Variants in SLC5A4 observed in about 807,000 individuals in gnomAD.
SLC5A4 encodes the protein probable glucose sensor protein SLC5A4.
Under a neutral mutation model 70.3 loss-of-function variants are expected in SLC5A4, and 55 were observed. The ratio of observed to expected loss-of-function variants is 0.78; its 90% CI spans 0.63 to 0.98. The LOEUF (loss-of-function observed/expected upper bound fraction) is 0.98, where lower values mean the gene tolerates loss of function less well. SLC5A4 is among the 50% of genes least tolerant of loss of function. The pLI is 0.00. For synonymous variants in SLC5A4, 268 were observed against 305.7 expected, an observed-to-expected ratio of 0.88 and a Z score of 1.29; for missense variants, 735 against 839.2, an observed-to-expected ratio of 0.88 and a Z score of 1.53.
chr22:32,285,795 G>A, the SLC5A4 span, among the ~76,000 whole-genome samples: 4 of 150,494 alleles, frequency 2.7e-5, no homozygotes, highest in Admixed American at 6.6e-5. Context: ...GGAGTGCAGC[G>A]GCGCGATCTC....
chr22:32,247,287 A>T (rs946055391), intron 5 of SLC5A4, 124 bp downstream of exon 5: 9 of 647,454 alleles, frequency 1.4e-5, no homozygotes, highest in Non-Finnish European at 2.5e-5. Flanking sequence ...AGAATTTAAG[A>T]CATCCATATC....
chr22:32,251,955 C>A (rs529259789), intron 2 of SLC5A4, 81 bp from the exon 3 acceptor site: 2 of 1,047,696 alleles, frequency 1.9e-6, no homozygotes, highest in East Asian at 2.4e-5. Flanking sequence ...TGTAGCTGGG[C>A]GTGGTGGCTC....
At chr22:32,266,811 T>C in the SLC5A4 span, among the ~76,000 whole-genome samples, 1 of 152,242 alleles carries the variant, frequency 6.6e-6, no homozygotes, top group Non-Finnish European at 1.5e-5. Flanking sequence ...TAAAGTAAGC[T>C]AGACCAAAGA....
At chr22:32,239,563 TA>T (rs1926345192) in intron 5 of SLC5A4, among the ~76,000 whole-genome samples, 6 of 21,436 alleles carry the variant, frequency 2.8e-4, no homozygotes, top group Non-Finnish European at 4.4e-4. Flanking sequence ...TATATATATA[TA>T]TATATTTATA....
rs1355630954 is a variant in SLC5A4, at chr22:32,247,998, C to T, written c.373-483G>A. 4.6e-5 allele frequency among the ~76,000 whole-genome samples: 7 copies of T among 152,292 alleles called. No individual in the cohort carries two copies. The East Asian group carries it at 1.2e-3, about 25-fold the overall frequency. ...TCCATTGCCTTCACTTTTACTCTGC[C>T]ATCAAACCTGTCATCTCTGCTCCAG... On this transcript the variant is annotated intron_variant, in intron 4 of 14. Transcript: ENST00000266086.
chr22:32,247,955 G>A (rs1372778434), intron 4 of SLC5A4, among the ~76,000 whole-genome samples: 1 of 152,142 alleles, frequency 6.6e-6, no homozygotes, highest in Non-Finnish European at 1.5e-5. Context: ...TCTTAGAGCT[G>A]ATCATAATGC....
At chr22:32,281,356 G>A in the SLC5A4 span, among the ~76,000 whole-genome samples, 1 of 152,264 alleles carries the variant, frequency 6.6e-6, no homozygotes, top group African/African-American at 2.4e-5. Context: ...TCTCCTCTGG[G>A]GTTGGGCGTG....
rs990909341 is a variant in SLC5A4 at position 32,232,928 on chromosome 22, G to A, written c.992C>T (p.Pro331Leu). 19 of 1,613,910 alleles carry A rather than the reference G, an allele frequency of 1.2e-5. No individual in the cohort carries two copies. The highest frequency in any genetic ancestry group is 4.5e-5 in the East Asian group (2 of 44,898). ...KLLPMFLMVM[P>L]GMISRILYTD... Reference sequence around the variant, plus strand: ...GTACAGGATGCGGCTGATCATCCCCGGCATCACCATGAGGAACATGGGCAG... The same window carrying A: ...GTACAGGATGCGGCTGATCATCCCCAGCATCACCATGAGGAACATGGGCAG... The change falls in exon 9 of 15, where the codon CCG (proline) becomes CTG (leucine). Residue 331 changes from proline to leucine, a missense_variant. By Grantham distance (98) the Pro-to-Leu change is moderately conservative. Coordinates refer to ENST00000266086, the MANE Select transcript of SLC5A4 (RefSeq NM_014227.3).
chr22:32,246,647 C>G (rs1364369026), intron 5 of SLC5A4, among the ~76,000 whole-genome samples: 1 of 152,134 alleles, frequency 6.6e-6, no homozygotes, highest in Non-Finnish European at 1.5e-5. Context: ...CCTGCCTCAG[C>G]CTCCTGAGTA....
the SLC5A4 span, among the ~76,000 whole-genome samples, chr22:32,274,287 G>A: frequency 0.061 from 9,281 of 152,032 alleles, 448 homozygotes; most frequent in Admixed American, 0.16. Context: ...TGCTCCTCCC[G>A]CCTCAGCCTC....
chr22:32,298,076 A>G, the SLC5A4 span, among the ~76,000 whole-genome samples: 1 of 99,294 alleles, frequency 1.0e-5, no homozygotes, highest in Non-Finnish European at 2.1e-5. Flanking sequence ...ACTTCCCAGT[A>G]TGTGGTCAGT....
chr22:32,286,711 C>G, the SLC5A4 span, among the ~76,000 whole-genome samples: 1 of 152,170 alleles, frequency 6.6e-6, no homozygotes, highest in African/African-American at 2.4e-5. Context: ...AAATGGCATA[C>G]TTGCATTAAG....
At chr22:32,300,097 G>A in the SLC5A4 span, among the ~76,000 whole-genome samples, 1 of 151,362 alleles carries the variant, frequency 6.6e-6, no homozygotes, top group South Asian at 2.1e-4. Flanking sequence ...AGAGGTTACT[G>A]CTGTCTTTTT....
chr22:32,324,715 CA>C, the SLC5A4 span, among the ~76,000 whole-genome samples: 1 of 152,204 alleles, frequency 6.6e-6, no homozygotes, highest in African/African-American at 2.4e-5. Flanking sequence ...CTCTGCCCCT[CA>C]CAAGCTGTGT....
chr22:32,336,322 CA>C, the SLC5A4 span, among the ~76,000 whole-genome samples: 42 of 152,234 alleles, frequency 2.8e-4, no homozygotes, highest in Admixed American at 2.6e-3. Flanking sequence ...CACGAGCCCC[CA>C]GATTCACCTG....
At chr22:32,275,095 TA>T in the SLC5A4 span, among the ~76,000 whole-genome samples, 1 of 152,232 alleles carries the variant, frequency 6.6e-6, no homozygotes, top group Non-Finnish European at 1.5e-5. Flanking sequence ...TGTACACCAG[TA>T]GTACACTAAT....
At chr22:32,236,649 G>T (rs903089125) in intron 7 of SLC5A4, among the ~76,000 whole-genome samples, 1 of 151,668 alleles carries the variant, frequency 6.6e-6, no homozygotes, top group Non-Finnish European at 1.5e-5. Context: ...TACTGATTTT[G>T]TCTGTCCTTA....
At chr22:32,311,437 C>T in the SLC5A4 span, among the ~76,000 whole-genome samples, 3 of 152,198 alleles carry the variant, frequency 2.0e-5, no homozygotes, top group African/African-American at 7.2e-5. Flanking sequence ...ACACTGGCAG[C>T]GTGGCCTTTG....
the SLC5A4 span, among the ~76,000 whole-genome samples, chr22:32,293,428 C>G: frequency 1.3e-5 from 2 of 151,818 alleles, no homozygotes; most frequent in African/African-American, 4.8e-5. Context: ...CTTAATATTA[C>G]CTTGGAAGTT....
Sources: gnomAD v4.1 joint callset for allele counts (sites outside exome capture counted in the v4.1 genomes callset) on GRCh38, gnomAD v4.1.1 for gene constraint, MANE v1.5 for transcripts, NCBI Gene and HGNC (gene_info 2026-07-23, HGNC 2026-07-21) for gene names.